Variants in SSUH2 observed in about 807,000 individuals in gnomAD.
SSUH2 encodes the protein ssu-2 homolog.
SSUH2 carries 47 observed loss-of-function variants against 55.3 expected under a neutral mutation model. The observed-to-expected ratio is 0.85, with a 90% CI of 0.67 to 1.08. The LOEUF is 1.08. SSUH2 is among the 50% of genes least tolerant of loss of function. The pLI is 0.00. For missense variants in SSUH2, 535 were observed against 490.7 expected (o/e 1.09, Z -0.85); for synonymous variants, 212 against 191.5 (o/e 1.11, Z -0.89).
chr3:8,626,490 T>C (rs1384784841), intron 8 of SSUH2, among the ~76,000 whole-genome samples, 169 bp from the exon 9 acceptor site: 6 of 151,632 alleles, frequency 4.0e-5, no homozygotes, highest in Admixed American at 3.9e-4. Context: ...CCAATATCTC[T>C]ATGGGGATCA....
At chr3:8,648,724 T>A (rs1702027127), upstream of SSUH2, among the ~76,000 whole-genome samples, 1 of 152,080 alleles carries the variant, frequency 6.6e-6, no homozygotes, top group African/African-American at 2.4e-5. Context: ...CTGAGGCCCC[T>A]CTTGGAAGGC....
At chr3:8,629,309 T>G in intron 7 of SSUH2, 2 of 266,810 alleles carry the variant, frequency 7.5e-6, no homozygotes. Context: ...TGGAGTTGCT[T>G]GTTGGTTTCC....
intron 1 of SSUH2, chr3:8,679,912 C>T (rs1006679406): frequency 3.8e-4 from 58 of 152,146 alleles, no homozygotes; most frequent in African/African-American, 1.4e-3. Context: ...ACTGTGGATC[C>T]CAAACTTTGC....
intron 1 of SSUH2, chr3:8,639,851 C>T (rs1490789839): frequency 4.9e-6 from 3 of 617,356 alleles, no homozygotes; most frequent in East Asian, 1.4e-4. Flanking sequence ...TGGACAGGGG[C>T]CCCTGTCTCG....
intron 1 of SSUH2, chr3:8,639,975 A>C: frequency 1.0e-6 from 1 of 985,462 alleles, no homozygotes; most frequent in Non-Finnish European, 1.2e-6. Flanking sequence ...CGATATGCAC[A>C]AATGCCTCGT....
chr3:8,621,089 G>A (rs1326124228), intron 11 of SSUH2, among the ~76,000 whole-genome samples: 2 of 152,190 alleles, frequency 1.3e-5, no homozygotes, highest in Non-Finnish European at 2.9e-5. Context: ...ACTACACTTC[G>A]TAGTTGACAT....
chr3:8,677,741 A>G lies in SSUH2; in HGVS notation c.-900-388T>C, dbSNP rs142949860. On this transcript the variant is annotated intron_variant, in intron 2 of 18. Transcript: ENST00000317371. ...CCTTGGCAGCAACTGCCCTGCTAGT[A>G]CAAGAAGCAAATAAGCTGACTCTTG... 4.1e-3 allele frequency among the ~76,000 whole-genome samples: 615 copies of G among 150,866 alleles called. 19 individuals carry two copies. Among genetic ancestry groups the G allele is most frequent in the South Asian group, 0.032 (150 of 4,676 alleles).
At chr3:8,661,405 G>T (rs948278263) in intron 6 of SSUH2, among the ~76,000 whole-genome samples, 2 of 152,130 alleles carry the variant, frequency 1.3e-5, no homozygotes, top group African/African-American at 4.8e-5. Flanking sequence ...ATTAGTCTAT[G>T]AGCAATTTAA....
At chr3:8,670,256 C>A (rs1704405338) in intron 5 of SSUH2, among the ~76,000 whole-genome samples, 1 of 152,092 alleles carries the variant, frequency 6.6e-6, no homozygotes, top group East Asian at 1.9e-4. Context: ...GTGTACCAGC[C>A]TTTCACCTCT....
intron 4 of SSUH2, among the ~76,000 whole-genome samples, chr3:8,633,396 G>A (rs1278021470): frequency 6.6e-6 from 1 of 151,878 alleles, no homozygotes; most frequent in South Asian, 2.1e-4. Context: ...CTGACCTCAG[G>A]TGATCCACCC....
At chr3:8,638,593 C>T (rs978898293) in intron 1 of SSUH2, among the ~76,000 whole-genome samples, 2 of 152,182 alleles carry the variant, frequency 1.3e-5, no homozygotes, top group African/African-American at 4.8e-5. Flanking sequence ...ATGTAAGCCA[C>T]ACATCCCTGT....
intron 5 of SSUH2, among the ~76,000 whole-genome samples, chr3:8,670,497 CATGCCCCTAGGATATTAGGAATAGT>C (rs1254703078): frequency 9.9e-5 from 15 of 151,966 alleles, no homozygotes; most frequent in Non-Finnish European, 1.5e-4. Context: ...TTAGGGAGAG[CATGCCCCTAGGATATTAGGAATAGT>C]ATCACAGGCG....
chr3:8,640,043 A>T, intron 1 of SSUH2: 1 of 979,300 alleles, frequency 1.0e-6, no homozygotes, highest in Non-Finnish European at 1.2e-6. Context: ...ACTCACACAC[A>T]CAAAGTAGAG....
chr3:8,633,387 TGACCTCAGGTGATC>T (rs1699247641), intron 4 of SSUH2, among the ~76,000 whole-genome samples: 2 of 41,996 alleles, frequency 4.8e-5, no homozygotes, highest in Non-Finnish European at 1.4e-4. Flanking sequence ...CAGGTGATCC[TGACCTCAGGTGATC>T]CACCCACCTC....
intron 8 of SSUH2, among the ~76,000 whole-genome samples, chr3:8,626,546 C>G (rs1330424912): frequency 4.2e-5 from 6 of 143,212 alleles, no homozygotes; most frequent in Non-Finnish European, 6.1e-5. Flanking sequence ...TGCCCCCCCC[C>G]CTCCCCCACC....
Position 8,632,834 on chromosome 3 carries a change from A to G in SSUH2, c.340-725T>C, listed in dbSNP as rs9829482. On this transcript the variant is annotated intron_variant, in intron 4 of 11. Transcript: ENST00000544814. ...TCTTGGCACAGTCATGATCTGGGGG[A>G]GGCAGAGGGAGCTGAAGTCTAGTGG... Among the ~76,000 whole-genome samples the G allele has an allele frequency of 1.6e-3, 237 of 152,256 alleles. 1 individual carries two copies. The highest frequency in any genetic ancestry group is 5.5e-3 in the African/African-American group (227 of 41,550).
intron 7 of SSUH2, among the ~76,000 whole-genome samples, chr3:8,655,817 A>G (rs1334703532): frequency 1.3e-5 from 2 of 152,182 alleles, no homozygotes; most frequent in Non-Finnish European, 2.9e-5. Context: ...TTGAAGGTAG[A>G]GCAGAAGACT....
At chr3:8,662,632 C>T (rs887761101) in intron 6 of SSUH2, among the ~76,000 whole-genome samples, 2 of 152,220 alleles carry the variant, frequency 1.3e-5, no homozygotes, top group Non-Finnish European at 2.9e-5. Context: ...GAAGGCTGAG[C>T]ACCTAGACCA....
At position 8,635,782 on chromosome 3, in the gene SSUH2, T is replaced by C. The variant is rs1160141616; in HGVS notation, c.104A>G (p.Tyr35Cys). ...ACTGCCCCCTTGAAGAAGCCAGTCATAGCTGGGCAGTCTCTCCAGGAGCTC... is the reference window on the plus strand; with the variant it reads ...ACTGCCCCCTTGAAGAAGCCAGTCACAGCTGGGCAGTCTCTCCAGGAGCTC... ...PTELLERLPSYDWLLQGGRGQ... is the reference protein window; with the variant it reads ...PTELLERLPSCDWLLQGGRGQ... The change falls in exon 2 of 12, where the codon TAT (tyrosine) becomes TGT (cysteine). Residue 35 changes from tyrosine to cysteine, a missense_variant. Transcript: ENST00000544814. 2 of 1,535,786 alleles carry C rather than the reference T, an allele frequency of 1.3e-6. No individual in the cohort carries two copies. The highest frequency in any genetic ancestry group is 2.0e-5 in the Admixed American group (1 of 50,972).
Sources: allele counts gnomAD v4.1 joint callset (sites outside exome capture counted in the v4.1 genomes callset), GRCh38; gene constraint gnomAD v4.1.1; transcripts MANE v1.5; gene names NCBI Gene and HGNC (gene_info 2026-07-23, HGNC 2026-07-21).